PTPRN2: variants seen among roughly 807,000 people sequenced by gnomAD.
The protein encoded by PTPRN2 is receptor-type tyrosine-protein phosphatase N2.
A neutral mutation model predicts 118.8 loss-of-function variants in PTPRN2; 74 were observed. The ratio of observed to expected loss-of-function variants is 0.62; its 90% CI spans 0.52 to 0.76. PTPRN2 has a LOEUF of 0.76. Ranked by LOEUF, PTPRN2 falls within the 30% of genes least tolerant of loss-of-function variation. The pLI is 0.00. For synonymous variants in PTPRN2, 641 were observed against 608.0 expected (o/e 1.05, Z -0.80); for missense variants, 1,481 against 1,394.4 (o/e 1.06, Z -0.99).
intron 1 of PTPRN2, among the ~76,000 whole-genome samples, chr7:158,587,288 C>G (rs1251229126): frequency 2.9e-4 from 23 of 78,832 alleles, no homozygotes; most frequent in African/African-American, 9.5e-4. Context: ...GTCCCTCCCC[C>G]AGAACCTCTC....
chr7:158,024,495 T>C (rs1186528222), intron 11 of PTPRN2, among the ~76,000 whole-genome samples: 2 of 152,264 alleles, frequency 1.3e-5, no homozygotes, highest in Admixed American at 1.3e-4. Flanking sequence ...CACTGGGCAT[T>C]CCCTGGGCAC....
At chr7:158,435,500 G>A (rs1816513540) in intron 2 of PTPRN2, among the ~76,000 whole-genome samples, 1 of 152,006 alleles carries the variant, frequency 6.6e-6, no homozygotes, top group South Asian at 2.1e-4. Flanking sequence ...AGGTCCTTAT[G>A]GAAAACAGTA....
At chr7:158,132,305 GACAT>G (rs1444956066) in intron 9 of PTPRN2, among the ~76,000 whole-genome samples, 1 of 142,094 alleles carries the variant, frequency 7.0e-6, no homozygotes, top group Admixed American at 7.0e-5. Flanking sequence ...ACATCTACCC[GACAT>G]ACACACTCAT....
Position 158,142,557 on chromosome 7 carries a change from C to T in PTPRN2, c.911-4042G>A, listed in dbSNP as rs529946181. Among the ~76,000 whole-genome samples the T allele has an allele frequency of 1.8e-3, 273 of 152,280 alleles. 1 individual carries two copies. The highest frequency in any genetic ancestry group is 6.3e-3 in the African/African-American group (261 of 41,568). On this transcript the variant is annotated intron_variant, in intron 6 of 22. Coordinates refer to ENST00000389418, the MANE Select transcript of PTPRN2 (RefSeq NM_002847.5). Reference sequence around the variant, plus strand: ...GAAACGCAGGGATTGGCATGGAGGCCGCGTACTCTTCTGTTTTTTCATTAG... The same window carrying T: ...GAAACGCAGGGATTGGCATGGAGGCTGCGTACTCTTCTGTTTTTTCATTAG...
chr7:157,773,727 T>C (rs1803024894), intron 12 of PTPRN2, among the ~76,000 whole-genome samples: 2 of 152,332 alleles, frequency 1.3e-5, no homozygotes, highest in Middle Eastern at 3.4e-3. Flanking sequence ...CTCTGCCCAT[T>C]GGTGTCTTTG....
intron 1 of PTPRN2, among the ~76,000 whole-genome samples, chr7:158,510,472 C>G (rs181553319): frequency 7.2e-4 from 110 of 151,944 alleles, no homozygotes; most frequent in Middle Eastern, 6.8e-3. Context: ...CTCTCTCTCT[C>G]TCTCTCACCC....
intron 12 of PTPRN2, among the ~76,000 whole-genome samples, chr7:157,745,457 G>A (rs1390947446): frequency 6.6e-6 from 1 of 151,810 alleles, no homozygotes; most frequent in African/African-American, 2.4e-5. Context: ...GGCTGTGGGA[G>A]GCAGGCTCAG....
intron 11 of PTPRN2, among the ~76,000 whole-genome samples, chr7:157,983,709 C>G (rs1276067790): frequency 1.3e-5 from 2 of 152,218 alleles, no homozygotes; most frequent in Non-Finnish European, 2.9e-5. Context: ...GGCTTGAGAC[C>G]GTGCTGCCGA....
At chr7:158,327,779 C>T (rs760753893) in intron 2 of PTPRN2, among the ~76,000 whole-genome samples, 3 of 152,194 alleles carry the variant, frequency 2.0e-5, no homozygotes, top group Non-Finnish European at 4.4e-5. Context: ...AAAGTACCTT[C>T]AATCTGTAAA....
chr7:158,417,148 G>A (rs1177155084), intron 2 of PTPRN2, among the ~76,000 whole-genome samples: 1 of 151,718 alleles, frequency 6.6e-6, no homozygotes, highest in African/African-American at 2.4e-5. Flanking sequence ...CCTGGTGTAA[G>A]TCACAGTGTA....
chr7:158,171,177 CATATATACACACATACATATATATACACT>C (rs1823571594), intron 5 of PTPRN2, among the ~76,000 whole-genome samples: 1 of 138,218 alleles, frequency 7.2e-6, no homozygotes, highest in African/African-American at 2.7e-5. Flanking sequence ...CATATATACA[CATATATACACACATACATATATATACACT>C]ATATATACAC....
Position 157,655,728 on chromosome 7 carries a change from G to A in PTPRN2, c.2196+629C>T, listed in dbSNP as rs569498394. On this transcript the variant is annotated intron_variant, in intron 14 of 22. Transcript: ENST00000389418. ...AGATCCAGGAGGCAGCCAGCAGGAC[G>A]TGCTGCGCTATTGACAGCTGTCCTA... Among the ~76,000 whole-genome samples the A allele has an allele frequency of 1.1e-4, 17 of 152,354 alleles. No homozygotes were observed. The South Asian group carries it at 3.3e-3, about 30-fold the overall frequency.
rs1176308373 is a variant in PTPRN2, at chr7:158,058,347, T to C, written c.1723+22951A>G. On this transcript the variant is annotated intron_variant, in intron 11 of 22. Coordinates refer to ENST00000389418, the MANE Select transcript of PTPRN2 (RefSeq NM_002847.5). ...CGGTGAGACATCACTACAGCCACGC[T>C]CCATCTGCCCACGGTGACACATCAC... Among the ~76,000 whole-genome samples the C allele has an allele frequency of 2.8e-5, 4 of 140,828 alleles. No homozygotes were observed. The South Asian group carries it at 9.1e-4, about 32-fold the overall frequency. 92.4% of individuals were successfully genotyped at this position (140,828 alleles called of 152,430 possible).
chr7:157,662,347 A>C (rs1684506177), intron 13 of PTPRN2, among the ~76,000 whole-genome samples: 1 of 152,176 alleles, frequency 6.6e-6, no homozygotes, highest in Non-Finnish European at 1.5e-5. Flanking sequence ...TCCCTTGCCG[A>C]GTCAGCACTG....
chr7:157,733,179 C>G (rs1176484242), intron 12 of PTPRN2, among the ~76,000 whole-genome samples: 7 of 31,226 alleles, frequency 2.2e-4, no homozygotes, highest in Admixed American at 1.1e-3. Context: ...GTTACCCTTT[C>G]CCGTCCCATG....
At chr7:157,757,619 G>C (rs995677030) in intron 12 of PTPRN2, among the ~76,000 whole-genome samples, 1 of 151,390 alleles carries the variant, frequency 6.6e-6, no homozygotes, top group African/African-American at 2.4e-5. Context: ...TCTCGAAGCC[G>C]TGCGTCTTTC....
At chr7:157,581,239 G>A (rs552682073) in intron 17 of PTPRN2, among the ~76,000 whole-genome samples, 1 of 152,208 alleles carries the variant, frequency 6.6e-6, no homozygotes, top group Non-Finnish European at 1.5e-5. Context: ...AAAATGAGCC[G>A]CAAGTGCTGG....
intron 12 of PTPRN2, among the ~76,000 whole-genome samples, chr7:157,704,102 A>C (rs1017578584): frequency 6.6e-6 from 1 of 152,196 alleles, no homozygotes; most frequent in Non-Finnish European, 1.5e-5. Flanking sequence ...GTTTCTACTC[A>C]CACGATTGGG....
At chr7:158,071,278 CCGTGGTGGTGGAGGTGCT>C (rs1483609929) in intron 11 of PTPRN2, among the ~76,000 whole-genome samples, 37 of 25,114 alleles carry the variant, frequency 1.5e-3, no homozygotes, top group Non-Finnish European at 2.6e-3. Context: ...GTGGAGGTGC[CCGTGGTGGTGGAGGTGCT>C]CGTGGTGGAG....
Sources: allele counts gnomAD v4.1 joint callset (sites outside exome capture counted in the v4.1 genomes callset), GRCh38; gene constraint gnomAD v4.1.1; transcripts MANE v1.5; gene names NCBI Gene and HGNC (gene_info 2026-07-23, HGNC 2026-07-21).